The following EARS2 variants were observed in gnomAD, a reference collection of about 807,000 sequenced individuals.
EARS2 encodes the protein nondiscriminating glutamyl-tRNA synthetase EARS2, mitochondrial.
Under a neutral mutation model 54.1 loss-of-function variants are expected in EARS2, and 50 were observed. The ratio of observed to expected loss-of-function variants is 0.92; its 90% CI spans 0.74 to 1.17. The LOEUF is 1.17. Ranked by LOEUF, EARS2 falls within the 50% of genes most tolerant of loss-of-function variation. The pLI, the probability that EARS2 is intolerant of heterozygous loss-of-function variation, is 0.00. For missense variants in EARS2, 673 were observed against 675.0 expected (o/e 1.00, Z 0.03); for synonymous variants, 298 against 281.0 (o/e 1.06, Z -0.61).
chr16:23,545,721 T>C (rs958419220), intron 2 of EARS2, among the ~76,000 whole-genome samples: 1 of 152,220 alleles, frequency 6.6e-6, no homozygotes, highest in African/African-American at 2.4e-5. Context: ...TGGAGTGCAG[T>C]GGTGTGATCA....
In EARS2 at chr16:23,546,463, T is replaced by TTCTCATGAAAGTTACTCATGAAGA. The variant is rs565491865; in HGVS notation, c.296-1761_296-1760insTCTTCATGAGTAACTTTCATGAGA. ...TCAAAGAAGGAAACAAGTAGTAACT[T>TTCTCATGAAAGTTACTCATGAAGA]TCTCATGAGGATCATCATGAGACTA... On this transcript the variant is annotated intron_variant, in intron 2 of 8. Transcript: ENST00000449606. 2.5e-3 allele frequency: 1,159 copies of TTCTCATGAAAGTTACTCATGAAGA among 456,038 alleles called. 2 individuals are homozygous for TTCTCATGAAAGTTACTCATGAAGA. The highest frequency in any genetic ancestry group is 3.6e-3 in the Non-Finnish European group (815 of 226,794). 28.2% of individuals were successfully genotyped at this position (456,038 alleles called of 1,614,324 possible).
At chr16:23,530,005 T>A (rs1019792309) in intron 5 of EARS2, 108 bp from the exon 6 acceptor site, 2 of 1,380,464 alleles carry the variant, frequency 1.4e-6, no homozygotes, top group Non-Finnish European at 2.0e-6. Flanking sequence ...TCAGGTCCCA[T>A]GAGCCCTCCC....
chr16:23,522,012 C>G lies in EARS2; in HGVS notation c.*2359G>C, dbSNP rs764159407. The G allele has an allele frequency of 5.9e-6, 2 of 341,284 alleles. No individual in the cohort carries two copies. The allele number at this position is 341,284 out of a possible 1,614,324, so 21.1% of individuals were successfully genotyped here. A position where few individuals can be genotyped will look rare whatever the true frequency, so the allele number is the denominator to read the frequency against. ...AACAGAAAAAAAAAATACTGCTTCT[C>G]TCATAGTGTTATAAAAAAAATTTAC... On this transcript the variant is annotated 3_prime_UTR_variant, in exon 9 of 9. Coordinates refer to ENST00000449606, the MANE Select transcript of EARS2 (RefSeq NM_001083614.2).
chr16:23,556,310 T>G (rs531440192), intron 1 of EARS2, among the ~76,000 whole-genome samples: 1 of 152,216 alleles, frequency 6.6e-6, no homozygotes, highest in South Asian at 2.1e-4. Flanking sequence ...CCAACAGCAC[T>G]AGCACAGTGC....
intron 5 of EARS2, among the ~76,000 whole-genome samples, chr16:23,530,396 T>C (rs181953636): frequency 6.6e-6 from 1 of 152,316 alleles, no homozygotes; most frequent in Admixed American, 6.5e-5. Context: ...ATTACAGGTG[T>C]GGGCCACCAT....
At position 23,525,297 on chromosome 16, in the gene EARS2, T is replaced by C; in HGVS notation, c.1435A>G (p.Thr479Ala). ...AGTTTCATCACATTACTGTACTTGG[T>C]GCCTTCCAGACCTTCTGATAGCTTC... ...LKKLSEGLEG[T>A]KYSNVMKLLR... Residue 479 changes from threonine to alanine, a missense_variant, in exon 8 of 9, where the codon ACC (threonine) becomes GCC (alanine). Physicochemically the swap from Thr to Ala is moderately conservative, Grantham distance 58. Around this residue, in one of 3 missense-constraint regions of EARS2, gnomAD observed 338 missense variants for 361.2 expected, o/e 0.94. Transcript: ENST00000449606. 1 of 1,614,180 alleles carries C rather than the reference T, an allele frequency of 6.2e-7. No homozygotes were observed. The highest frequency in any genetic ancestry group is 8.5e-7 in the Non-Finnish European group (1 of 1,180,040).
At chr16:23,535,453 T>A in intron 3 of EARS2, 93 bp from the exon 4 acceptor site, 1 of 1,190,938 alleles carries the variant, frequency 8.4e-7, no homozygotes, top group Non-Finnish European at 1.2e-6. Context: ...CTTAAGCAAG[T>A]CAGTTACTGC....
chr16:23,532,626 C>A (rs1430004619), intron 5 of EARS2, 31 bp downstream of exon 5: 4 of 1,557,356 alleles, frequency 2.6e-6, no homozygotes, highest in Non-Finnish European at 3.5e-6. Context: ...AAGCCCTTTG[C>A]CACCAGGGGA....
Position 23,544,681 on chromosome 16 carries a change from G to A in EARS2, c.318C>T (p.Pro106=), listed in dbSNP as rs2142185097. Residue 106 remains proline (P), a synonymous_variant, in exon 3 of 9, where the codon CCC becomes CCT. Coordinates refer to ENST00000449606, the MANE Select transcript of EARS2 (RefSeq NM_001083614.2). The stretch of plus-strand genomic sequence containing the variant: ...AGGGCCCAGCAGGACCGCCCCGGCG[G>A]GGGCTCTCATCAGGCGGGATGCCTG... The part of the protein sequence containing the change: ...EWAGIPPDES[P]RRGGPAGPYQ... The A allele has an allele frequency of 1.2e-6, 2 of 1,606,042 alleles. No individual in the cohort carries two copies. Among genetic ancestry groups the A allele is most frequent in the Non-Finnish European group, 8.5e-7 (1 of 1,177,388 alleles).
rs188990928 is a variant in EARS2 at position 23,548,938 on chromosome 16, C to T, written c.295+3211G>A. On this transcript the variant is annotated intron_variant, in intron 2 of 8. Coordinates refer to ENST00000449606, the MANE Select transcript of EARS2 (RefSeq NM_001083614.2). The stretch of plus-strand genomic sequence containing the variant: ...GACTCAGCCTCACAGATGGCTACCA[C>T]TTTCAGGGTCCCCTCTCGCAGTGGA... Among the ~76,000 whole-genome samples, 4 of 152,326 alleles carry T rather than the reference C, an allele frequency of 2.6e-5. No homozygotes were observed. In the East Asian group the frequency reaches 7.7e-4, roughly 29 times the overall value.
chr16:23,536,672 CT>C (rs1195696509), intron 3 of EARS2, among the ~76,000 whole-genome samples: 14 of 142,008 alleles, frequency 9.9e-5, no homozygotes, highest in South Asian at 4.8e-4. Flanking sequence ...AAAAAAAAAA[CT>C]TTTTTTTTCT....
chr16:23,540,479 A>T (rs1965493956), intron 3 of EARS2, among the ~76,000 whole-genome samples: 1 of 152,262 alleles, frequency 6.6e-6, no homozygotes, highest in Non-Finnish European at 1.5e-5. Context: ...GAGTGTAAAC[A>T]AGTAAAGGGC....
In EARS2 at chr16:23,535,056, G is replaced by A; in HGVS notation, c.790C>T (p.Leu264=). ...GCGAAGTGGGGTGGCTGCCAGCCCAGGGCCTGGTAGAGGAGCAGGTGCTTG... is the reference window on the plus strand; with the variant it reads ...GCGAAGTGGGGTGGCTGCCAGCCCAAGGCCTGGTAGAGGAGCAGGTGCTTG... ...TAKHLLLYQA[L]GWQPPHFAHL... is the part of the protein sequence containing the mutation. Residue 264 remains leucine (L), a synonymous_variant, in exon 4 of 9, where the codon CTG becomes TTG. Coordinates refer to ENST00000449606, the MANE Select transcript of EARS2 (RefSeq NM_001083614.2). The A allele has an allele frequency of 1.9e-6, 3 of 1,608,004 alleles. No individual in the cohort carries two copies. The highest frequency in any genetic ancestry group is 2.5e-6 in the Non-Finnish European group (3 of 1,177,798).
intron 4 of EARS2, 43 bp from the exon 5 acceptor site, chr16:23,532,808 T>C (rs1396575589): frequency 7.2e-7 from 1 of 1,381,410 alleles, no homozygotes. Flanking sequence ...CCTCTCTCCC[T>C]TCCTCCTTCC....
chr16:23,532,526 C>T, intron 5 of EARS2, 131 bp downstream of exon 5: 1 of 588,714 alleles, frequency 1.7e-6, no homozygotes, highest in Non-Finnish European at 3.0e-6. Flanking sequence ...AACAGAGGCT[C>T]AAAGAGGCTA....
chr16:23,540,321 A>G (rs1416563998), intron 3 of EARS2, among the ~76,000 whole-genome samples: 1 of 152,088 alleles, frequency 6.6e-6, no homozygotes, highest in East Asian at 1.9e-4. Context: ...AGATGAGAAA[A>G]AAAATATTCT....
At chr16:23,536,204 CCTT>C (rs932030296) in intron 3 of EARS2, among the ~76,000 whole-genome samples, 1 of 152,096 alleles carries the variant, frequency 6.6e-6, no homozygotes, top group Admixed American at 6.6e-5. Flanking sequence ...ATCGTTTGTC[CCTT>C]CTAACAGGGT....
At chr16:23,532,963 C>T (rs1336351973) in intron 4 of EARS2, among the ~76,000 whole-genome samples, 198 bp from the exon 5 acceptor site, 1 of 152,078 alleles carries the variant, frequency 6.6e-6, no homozygotes, top group Non-Finnish European at 1.5e-5. Flanking sequence ...GGACTACAGG[C>T]ACATACTACC....
At chr16:23,554,827 T>C (rs1187001005) in intron 1 of EARS2, among the ~76,000 whole-genome samples, 1 of 152,226 alleles carries the variant, frequency 6.6e-6, no homozygotes, top group Non-Finnish European at 1.5e-5. Context: ...TGAGCTTCTA[T>C]TTCCTCATCT....
Sources: allele counts gnomAD v4.1 joint callset (sites outside exome capture counted in the v4.1 genomes callset), GRCh38; gene constraint gnomAD v4.1.1; regional missense constraint gnomAD v4.1.1; transcripts MANE v1.5; gene names NCBI Gene and HGNC (gene_info 2026-07-23, HGNC 2026-07-21).